The following PKHD1 variants were observed in gnomAD, a reference collection of about 807,000 sequenced individuals.
The protein encoded by PKHD1 is PKHD1 ciliary IPT domain containing fibrocystin/polyductin.
PKHD1 carries 291 observed loss-of-function variants against 412.0 expected under a neutral mutation model. That is an observed-to-expected ratio of 0.71 (90% confidence interval 0.64 to 0.78). PKHD1 has a LOEUF of 0.78. PKHD1 is among the 30% of genes least tolerant of loss of function. PKHD1 has a pLI of 0.00. For synonymous variants in PKHD1, 1,777 were observed against 1,821.5 expected (o/e 0.98, Z 0.62); for missense variants, 4,825 against 4,950.7 (o/e 0.97, Z 0.76).
intron 13 of PKHD1, among the ~76,000 whole-genome samples, chr6:52,063,767 G>A (rs1011697060): frequency 4.5e-4 from 68 of 152,182 alleles, no homozygotes; most frequent in Middle Eastern, 3.4e-3. Context: ...ACATTGCTAC[G>A]TGTCCCCCGA....
intron 48 of PKHD1, among the ~76,000 whole-genome samples, chr6:51,864,011 T>C (rs1253231520): frequency 6.6e-6 from 1 of 152,128 alleles, no homozygotes; most frequent in Non-Finnish European, 1.5e-5. Flanking sequence ...CTATAAGTAC[T>C]GATTAGAGCA....
intron 55 of PKHD1, among the ~76,000 whole-genome samples, chr6:51,767,982 T>C (rs1171700543): frequency 6.6e-6 from 1 of 152,006 alleles, no homozygotes; most frequent in Non-Finnish European, 1.5e-5. Flanking sequence ...GCACCTGTTG[T>C]TTCCTGACTT....
intron 35 of PKHD1, among the ~76,000 whole-genome samples, chr6:52,006,686 A>T (rs1401342019): frequency 6.6e-6 from 1 of 152,022 alleles, no homozygotes; most frequent in African/African-American, 2.4e-5. Flanking sequence ...TGAAAAATAT[A>T]TTTTTTTAAT....
At chr6:51,994,858 C>T (rs1167031486) in intron 35 of PKHD1, among the ~76,000 whole-genome samples, 1 of 152,120 alleles carries the variant, frequency 6.6e-6, no homozygotes, top group Non-Finnish European at 1.5e-5. Flanking sequence ...ACTGGAATTA[C>T]AGGAGTGAGC....
intron 52 of PKHD1, among the ~76,000 whole-genome samples, chr6:51,823,449 G>A (rs555894610): frequency 6.5e-4 from 99 of 152,036 alleles, no homozygotes; most frequent in Non-Finnish European, 1.3e-3. Flanking sequence ...AACAAGAAAA[G>A]GTTTGTAAAA....
intron 4 of PKHD1, among the ~76,000 whole-genome samples, chr6:52,081,874 A>G (rs1812086859): frequency 6.6e-6 from 1 of 152,202 alleles, no homozygotes; most frequent in Non-Finnish European, 1.5e-5. Context: ...ATGAGTAAAT[A>G]AAAATGAACA....
chr6:51,962,877 C>T (rs2127960727), intron 35 of PKHD1, among the ~76,000 whole-genome samples: 1 of 152,144 alleles, frequency 6.6e-6, no homozygotes, highest in Middle Eastern at 3.4e-3. Context: ...AATACAATTC[C>T]TTGCATATTT....
intron 57 of PKHD1, among the ~76,000 whole-genome samples, chr6:51,752,246 T>C (rs1168375200): frequency 2.0e-5 from 3 of 152,198 alleles, no homozygotes; most frequent in Non-Finnish European, 4.4e-5. Flanking sequence ...TATTGACATT[T>C]GGAGCCAGAT....
chr6:51,630,096 T>C (rs1767746031), intron 65 of PKHD1, among the ~76,000 whole-genome samples: 1 of 152,200 alleles, frequency 6.6e-6, no homozygotes, highest in Admixed American at 6.6e-5. Flanking sequence ...GCATAATGCA[T>C]GGATAAAAGC....
At chr6:51,720,543 C>T (rs1009454536) in intron 60 of PKHD1, among the ~76,000 whole-genome samples, 1 of 152,124 alleles carries the variant, frequency 6.6e-6, no homozygotes, top group African/African-American at 2.4e-5. Flanking sequence ...CTGGCCAACT[C>T]TTACTCAATT....
chr6:51,934,355 G>A (rs1446966246), intron 36 of PKHD1, 33 bp from the exon 37 acceptor site: 1 of 1,409,834 alleles, frequency 7.1e-7, no homozygotes, highest in Non-Finnish European at 1.0e-6. Context: ...TCAGTCCCTG[G>A]GAGGATAAGG....
At chr6:51,757,906 G>GA (rs1787288488) in intron 55 of PKHD1, among the ~76,000 whole-genome samples, 1 of 151,896 alleles carries the variant, frequency 6.6e-6, no homozygotes, top group African/African-American at 2.4e-5. Flanking sequence ...AGCTACTTGG[G>GA]AGGCTGAGGT....
chr6:52,040,399 C>T (rs916460098), intron 27 of PKHD1, among the ~76,000 whole-genome samples: 5 of 152,110 alleles, frequency 3.3e-5, no homozygotes, highest in African/African-American at 4.8e-5. Flanking sequence ...TCCTCCTAAC[C>T]GGTCTTGCTG....
chr6:51,795,961 A>G (rs1276742312), intron 52 of PKHD1, among the ~76,000 whole-genome samples: 3 of 152,116 alleles, frequency 2.0e-5, no homozygotes, highest in African/African-American at 7.2e-5. Flanking sequence ...GTGTTCATCA[A>G]TAATATTGAC....
intron 55 of PKHD1, among the ~76,000 whole-genome samples, chr6:51,769,776 T>C (rs1157980472): frequency 6.6e-6 from 1 of 151,454 alleles, no homozygotes; most frequent in African/African-American, 2.4e-5. Context: ...GTTTGCTTAT[T>C]CAATCATGAA....
chr6:52,027,940 A>G, intron 30 of PKHD1, 44 bp from the exon 31 acceptor site: 2 of 1,462,612 alleles, frequency 1.4e-6, no homozygotes, highest in Non-Finnish European at 1.9e-6. Flanking sequence ...TGACAGAGAG[A>G]GATAAGAAAG....
intron 43 of PKHD1, among the ~76,000 whole-genome samples, chr6:51,900,202 C>T (rs1482612539): frequency 3.3e-5 from 5 of 152,082 alleles, no homozygotes; most frequent in Admixed American, 6.6e-5. Flanking sequence ...AAAAAGAGCC[C>T]GCATCGCCAA....
At chr6:51,766,617 A>ATTTTTATTTTTTTTTTTTT (rs1789073653) in intron 55 of PKHD1, among the ~76,000 whole-genome samples, 18 of 151,274 alleles carry the variant, frequency 1.2e-4, no homozygotes, top group African/African-American at 2.4e-5. Flanking sequence ...GTGTATTCAT[A>ATTTTTATTTTTTTTTTTTT]TTTTTATTTT....
chr6:51,772,372 T>C (rs1790292244), intron 55 of PKHD1, among the ~76,000 whole-genome samples: 1 of 151,964 alleles, frequency 6.6e-6, no homozygotes, highest in African/African-American at 2.4e-5. Context: ...CCTTTTCAGC[T>C]TAGACATAGT....
Sources: gnomAD v4.1 joint callset for allele counts (sites outside exome capture counted in the v4.1 genomes callset) on GRCh38, gnomAD v4.1.1 for gene constraint, MANE v1.5 for transcripts, NCBI Gene and HGNC (gene_info 2026-07-23, HGNC 2026-07-21) for gene names.